Variants in CD5L observed in about 807,000 individuals in gnomAD.
CD5L encodes the protein CD5 molecule like.
Under a neutral mutation model 40.8 loss-of-function variants are expected in CD5L, and 39 were observed. The observed-to-expected ratio is 0.96, with a 90% CI of 0.74 to 1.25. The LOEUF (loss-of-function observed/expected upper bound fraction) is 1.25, where lower values mean the gene tolerates loss of function less well. Among genes scored for constraint, CD5L ranks in the 50% most tolerant of loss-of-function variants. The probability of loss-of-function intolerance (pLI) is 0.00; values close to 1 mark genes in which losing one functional copy is unlikely to be tolerated. For missense variants in CD5L, 433 were observed against 435.9 expected (o/e 0.99, Z 0.06); for synonymous variants, 192 against 169.6 (o/e 1.13, Z -1.03).
intron 4 of CD5L, 149 bp from the exon 5 acceptor site, chr1:157,833,661 A>G: frequency 3.2e-6 from 2 of 630,400 alleles, no homozygotes; most frequent in Non-Finnish European, 5.3e-6. Context: ...GCTGGAGTGT[A>G]GTGGTGTGAT....
chr1:157,834,670 T>C lies in CD5L; in HGVS notation c.455A>G (p.Glu152Gly), dbSNP rs750543161. 6 of 1,614,178 alleles carry C rather than the reference T, an allele frequency of 3.7e-6. No individual in the cohort carries two copies. Among genetic ancestry groups the C allele is most frequent in the Non-Finnish European group, 5.1e-6 (6 of 1,180,022 alleles). ...ATACCACTGGTTCTGGTGCTTCACT[T>C]CCACGCGTCCCTTGCAATGCCCAGG... ...DGPGHCKGRV[E>G]VKHQNQWYTV... is the part of the protein sequence containing the mutation. The change falls in exon 4 of 6, where the codon GAA becomes GGA. Residue 152 changes from glutamate (E) to glycine (G), a missense_variant. Coordinates refer to ENST00000368174, the MANE Select transcript of CD5L (RefSeq NM_005894.3).
In CD5L at chr1:157,835,932, T is replaced by C. The variant is rs1656199531; in HGVS notation, c.279A>G (p.Ser93=). Residue 93 remains serine, a synonymous_variant, in exon 3 of 6, where the codon TCA becomes TCG. Transcript: ENST00000368174. The part of the protein sequence containing the change: ...AEKEQKVLIQ[S]VSCTGTEDTL... The stretch of plus-strand genomic sequence containing the variant: ...TATCTTCTGTTCCTGTGCAACTGAC[T>C]GATTGGATGAGGACCTTTTGCTCTT... 1 of 1,614,110 alleles carries C rather than the reference T, an allele frequency of 6.2e-7. No homozygotes were observed. Among genetic ancestry groups the C allele is most frequent in the Admixed American group, 1.7e-5 (1 of 60,006 alleles).
downstream of CD5L, among the ~76,000 whole-genome samples, chr1:157,830,685 G>C (rs560317595): frequency 6.6e-5 from 10 of 152,344 alleles, no homozygotes; most frequent in South Asian, 1.7e-3. Flanking sequence ...TGGCCTATCA[G>C]AAGTGTGTTA....
chr1:157,834,842 G>A (rs1186352552), intron 3 of CD5L, 94 bp from the exon 4 acceptor site: 2 of 954,442 alleles, frequency 2.1e-6, no homozygotes, highest in Non-Finnish European at 3.2e-6. Flanking sequence ...AGTTCTTGGT[G>A]TTCAGTACAA....
intron 1 of CD5L, among the ~76,000 whole-genome samples, 168 bp from the exon 2 acceptor site, chr1:157,839,578 G>A (rs1557943032): frequency 6.6e-6 from 1 of 152,168 alleles, no homozygotes; most frequent in Non-Finnish European, 1.5e-5. Flanking sequence ...ATCCTCCAAG[G>A]ACACAGGGAC....
chr1:157,839,460 C>T (rs1269625260), intron 1 of CD5L, 50 bp from the exon 2 acceptor site: 1 of 1,594,478 alleles, frequency 6.3e-7, no homozygotes, highest in African/African-American at 1.4e-5. Context: ...AGGCTTTATT[C>T]AAAGAACACA....
At chr1:157,840,900 C>CA (rs1656353800) in intron 1 of CD5L, among the ~76,000 whole-genome samples, 1 of 152,144 alleles carries the variant, frequency 6.6e-6, no homozygotes, top group South Asian at 2.1e-4. Context: ...TTACATTGAA[C>CA]ACAAAAGTGT....
chr1:157,840,641 C>T (rs1030253666), intron 1 of CD5L, among the ~76,000 whole-genome samples: 8 of 152,164 alleles, frequency 5.3e-5, no homozygotes, highest in African/African-American at 1.9e-4. Context: ...CCCAACCCAA[C>T]ATGTGTACAT....
chr1:157,836,457 A>T (rs1013046964), intron 2 of CD5L, among the ~76,000 whole-genome samples: 1 of 152,200 alleles, frequency 6.6e-6, no homozygotes, highest in Non-Finnish European at 1.5e-5. Flanking sequence ...GATCCAGCAG[A>T]GTTTTAGATT....
downstream of CD5L, among the ~76,000 whole-genome samples, chr1:157,828,198 G>T (rs1034622661): frequency 7.2e-5 from 11 of 152,204 alleles, no homozygotes; most frequent in Admixed American, 7.2e-4. Context: ...GAGGACAGTG[G>T]GACCTCAGAA....
intron 1 of CD5L, among the ~76,000 whole-genome samples, chr1:157,841,303 A>G (rs1389852613): frequency 6.6e-6 from 1 of 152,202 alleles, no homozygotes; most frequent in Non-Finnish European, 1.5e-5. Flanking sequence ...AATATGATCA[A>G]TGAAAGGTGA....
chr1:157,831,848 G>A lies in CD5L; in HGVS notation c.*116C>T. 3.4e-6 allele frequency: 5 copies of A among 1,455,604 alleles called. No individual in the cohort carries two copies. Among genetic ancestry groups the A allele is most frequent in the Non-Finnish European group, 4.5e-6 (5 of 1,106,420 alleles). 90.2% of individuals were successfully genotyped at this position (1,455,604 alleles called of 1,614,324 possible). On this transcript the variant is annotated 3_prime_UTR_variant, in exon 6 of 6. Coordinates refer to ENST00000368174, the MANE Select transcript of CD5L (RefSeq NM_005894.3). The stretch of plus-strand genomic sequence containing the variant: ...CCAGTGTTCAGACTCCTGAGGGGAT[G>A]AGGGAGTAGTGGCTCAAGCCTGAGC...
chr1:157,841,533 T>C (rs751414937), intron 1 of CD5L, 141 bp downstream of exon 1: 24 of 682,506 alleles, frequency 3.5e-5, no homozygotes, highest in Non-Finnish European at 5.2e-5. Flanking sequence ...AGGATTAGAA[T>C]AGTTACCAAA....
rs758299958 is a variant in CD5L, at chr1:157,841,707, A to C, written c.-6T>G. The C allele has an allele frequency of 1.9e-6, 3 of 1,613,026 alleles. No homozygotes were observed. The highest frequency in any genetic ancestry group is 2.5e-6 in the Non-Finnish European group (3 of 1,179,488). ...AAGGAGAATAGCAGAGCCATGACCA[A>C]GGCAGGTGAAGGTGATGAGCTGAAA... On this transcript the variant is annotated 5_prime_UTR_variant, in exon 1 of 6. Coordinates refer to ENST00000368174, the MANE Select transcript of CD5L (RefSeq NM_005894.3).
intron 2 of CD5L, 108 bp downstream of exon 2, chr1:157,839,276 T>G: frequency 9.6e-7 from 1 of 1,041,710 alleles, no homozygotes; most frequent in Admixed American, 1.9e-5. Context: ...AGAAAGGAAG[T>G]CTGCTGGGCC....
chr1:157,831,909 G>T lies in CD5L; in HGVS notation c.*55C>A. The T allele has an allele frequency of 6.5e-7, 1 of 1,546,080 alleles. No homozygotes were observed. The highest frequency in any genetic ancestry group is 1.3e-5 in the South Asian group (1 of 77,240). On this transcript the variant is annotated 3_prime_UTR_variant, in exon 6 of 6. Coordinates refer to ENST00000368174, the MANE Select transcript of CD5L (RefSeq NM_005894.3). ...GTATGAGGATAATCAGGGCTCAGGAGAACAAGCAGAGGGCAGGCGGGGCCA... is the reference window on the plus strand; with the variant it reads ...GTATGAGGATAATCAGGGCTCAGGATAACAAGCAGAGGGCAGGCGGGGCCA...
chr1:157,841,478 C>A (rs1656369918), intron 1 of CD5L, among the ~76,000 whole-genome samples, 196 bp downstream of exon 1: 2 of 152,142 alleles, frequency 1.3e-5, no homozygotes, highest in African/African-American at 2.4e-5. Context: ...AGAAAAAAAT[C>A]TGTTAAAGTG....
chr1:157,830,577 G>A (rs1656021240), downstream of CD5L, among the ~76,000 whole-genome samples: 2 of 152,168 alleles, frequency 1.3e-5, no homozygotes, highest in South Asian at 4.1e-4. Context: ...AATTGAGTAA[G>A]GAGCCAGAGA....
chr1:157,831,415 C>G lies in CD5L; in HGVS notation c.*549G>C, dbSNP rs1245428295. 7 of 984,144 alleles carry G rather than the reference C, an allele frequency of 7.1e-6. No homozygotes were observed. Among genetic ancestry groups the G allele is most frequent in the Non-Finnish European group, 8.4e-6 (7 of 829,654 alleles). The allele number at this position is 984,144 out of a possible 1,614,324, so 61.0% of individuals were successfully genotyped here. Reference sequence around the variant, plus strand: ...GAAATAACAGAATAGGGAGGTGTTGCTATTGTGGTCACCTGAAGCTTGAGG... The same window carrying G: ...GAAATAACAGAATAGGGAGGTGTTGGTATTGTGGTCACCTGAAGCTTGAGG... On this transcript the variant is annotated 3_prime_UTR_variant, in exon 6 of 6. Transcript: ENST00000368174.
Sources: gnomAD v4.1 joint callset for allele counts (sites outside exome capture counted in the v4.1 genomes callset) on GRCh38, gnomAD v4.1.1 for gene constraint, MANE v1.5 for transcripts, NCBI Gene and HGNC (gene_info 2026-07-23, HGNC 2026-07-21) for gene names.